The following ARL10 variants were observed in gnomAD, a reference collection of about 807,000 sequenced individuals.
The protein encoded by ARL10 is ADP-ribosylation factor-like protein 10.
Under a neutral mutation model 26.1 loss-of-function variants are expected in ARL10, and 23 were observed. The observed-to-expected ratio is 0.88, with a 90% CI of 0.63 to 1.25. ARL10 has a LOEUF of 1.25. ARL10 is among the 50% of genes most tolerant of loss of function. The probability of loss-of-function intolerance (pLI) is 0.00; values close to 1 mark genes in which losing one functional copy is unlikely to be tolerated. For missense variants in ARL10, 300 were observed against 323.6 expected (o/e 0.93, Z 0.56); for synonymous variants, 138 against 149.1 (o/e 0.93, Z 0.54).
Position 176,375,151 on chromosome 5 carries a change from CCCACCCATCCAT to C in ARL10, c.*3264_*3275del, listed in dbSNP as rs1768653435. ...GTCCACCCGTCCACCCATCCACCCA[CCCACCCATCCAT>C]CCACCCACCCACCCACCCATCCACC... On this transcript the variant is annotated 3_prime_UTR_variant, in exon 4 of 4. Coordinates refer to ENST00000310389, the MANE Select transcript of ARL10 (RefSeq NM_173664.6). 2 of 65,862 alleles carry C rather than the reference CCCACCCATCCAT, an allele frequency of 3.0e-5. No homozygotes were observed. The highest frequency in any genetic ancestry group is 1.1e-4 in the African/African-American group (2 of 18,924). The allele number at this position is 65,862 out of a possible 1,614,324, so 4.1% of individuals were successfully genotyped here.
Position 176,372,708 on chromosome 5 carries a change from A to G in ARL10, c.*813A>G, listed in dbSNP as rs1189300449. ...TCTCGTACTAACTGTGCCAGTGCCCATGTTTACAGAAGTCAGGGGAAGGAA... is the reference window on the plus strand; with the variant it reads ...TCTCGTACTAACTGTGCCAGTGCCCGTGTTTACAGAAGTCAGGGGAAGGAA... On this transcript the variant is annotated 3_prime_UTR_variant, in exon 4 of 4. Coordinates refer to ENST00000310389, the MANE Select transcript of ARL10 (RefSeq NM_173664.6). 1 of 393,812 alleles carries G rather than the reference A, an allele frequency of 2.5e-6. No homozygotes were observed. The highest frequency in any genetic ancestry group is 1.4e-4 in the South Asian group (1 of 6,972). The allele number at this position is 393,812 out of a possible 1,614,324, so 24.4% of individuals were successfully genotyped here.
At position 176,378,508 on chromosome 5, in the gene ARL10, C is replaced by T. The variant is rs1755460870; in HGVS notation, c.*6613C>T. ...AGAAGTGAGAAACCCTCTTTGTTTC[C>T]ATAACATGCCAAAATTGTGGACTGC... On this transcript the variant is annotated 3_prime_UTR_variant, in exon 4 of 4. Coordinates refer to ENST00000310389, the MANE Select transcript of ARL10 (RefSeq NM_173664.6). 1 of 152,158 alleles carries T rather than the reference C, an allele frequency of 6.6e-6. No individual in the cohort carries two copies. The highest frequency in any genetic ancestry group is 2.1e-4 in the South Asian group (1 of 4,832). The allele number at this position is 152,158 out of a possible 1,614,324, so 9.4% of individuals were successfully genotyped here.
Position 176,365,591 on chromosome 5 carries a change from G to T in ARL10, c.28G>T (p.Val10Leu). 2.4e-6 allele frequency: 3 copies of T among 1,249,102 alleles called. No individual in the cohort carries two copies. The highest frequency in any genetic ancestry group is 3.0e-6 in the Non-Finnish European group (3 of 998,326). The allele number at this position is 1,249,102 out of a possible 1,614,324, so 77.4% of individuals were successfully genotyped here. MAPRPLGPL[V>L]LALGGAAAVL... is the part of the protein sequence containing the mutation. The stretch of plus-strand genomic sequence containing the variant: ...GGCGCCGCGGCCGCTGGGCCCCTTG[G>T]TGCTGGCGCTGGGCGGCGCCGCGGC... The change falls in exon 1 of 4, where the codon GTG (valine) becomes TTG (leucine). Residue 10 changes from valine to leucine, a missense_variant. Physicochemically the swap from Val to Leu is conservative, Grantham distance 32. Coordinates refer to ENST00000310389, the MANE Select transcript of ARL10 (RefSeq NM_173664.6).
At chr5:176,389,589 CCTTT>C, downstream of ARL10, 9 of 1,345,826 alleles carry the variant, frequency 6.7e-6, no homozygotes, top group Non-Finnish European at 9.1e-6. Context: ...TCCCTCCTCT[CCTTT>C]GAGAGGCCCA....
At chr5:176,398,141 T>A (rs1409815962) in intron 1 of ARL10, 4 of 1,162,478 alleles carry the variant, frequency 3.4e-6, no homozygotes. Context: ...TCTGGATAAC[T>A]CAGCCTCAAA....
At chr5:176,382,662 G>A (rs964448048), downstream of ARL10, among the ~76,000 whole-genome samples, 1 of 152,012 alleles carries the variant, frequency 6.6e-6, no homozygotes, top group African/African-American at 2.4e-5. Context: ...GGGCTGAGGA[G>A]GGAGGATCAC....
chr5:176,367,844 C>A, intron 2 of ARL10: 1 of 500,558 alleles, frequency 2.0e-6, no homozygotes, highest in East Asian at 5.6e-5. Context: ...TATTTCTTTC[C>A]TTTTTGAAAT....
At chr5:176,388,793 A>C (rs374741504), downstream of ARL10, 1 of 1,605,180 alleles carries the variant, frequency 6.2e-7, no homozygotes, top group East Asian at 2.2e-5. Context: ...CGGAGTCCCG[A>C]TTTTCTCCTG....
In ARL10 at chr5:176,365,577, C is replaced by A. The variant is rs1196051840; in HGVS notation, c.14C>A (p.Pro5Gln). 8.1e-7 allele frequency: 1 copy of A among 1,236,740 alleles called. No homozygotes were observed. Among genetic ancestry groups the A allele is most frequent in the South Asian group, 3.8e-5 (1 of 26,382 alleles). 76.6% of individuals were successfully genotyped at this position (1,236,740 alleles called of 1,614,324 possible). A position where few individuals can be genotyped will look rare whatever the true frequency, so the allele number is the denominator to read the frequency against. The change falls in exon 1 of 4, where the codon CCG becomes CAG. Residue 5 changes from proline to glutamine, a missense_variant. Physicochemically the swap from Pro to Gln is moderately conservative, Grantham distance 76. Transcript: ENST00000310389. MAPR[P>Q]LGPLVLALGG... ...TCGCCCGGCCCGATGGCGCCGCGGC[C>A]GCTGGGCCCCTTGGTGCTGGCGCTG... is the stretch of plus-strand genomic sequence containing the variant.
At chr5:176,389,800 G>C, downstream of ARL10, 1 of 255,756 alleles carries the variant, frequency 3.9e-6, no homozygotes, top group East Asian at 8.2e-5. Context: ...TTTGATTTTG[G>C]AGGAAACGGA....
intron 1 of ARL10, among the ~76,000 whole-genome samples, chr5:176,401,031 C>T (rs925676685): frequency 1.2e-4 from 18 of 152,194 alleles, no homozygotes; most frequent in Non-Finnish European, 1.8e-4. Flanking sequence ...GGCAGCTGGG[C>T]GCCACCCTTA....
At chr5:176,383,815 G>A, downstream of ARL10, 4 of 643,364 alleles carry the variant, frequency 6.2e-6, no homozygotes, top group South Asian at 8.0e-5. Context: ...CAGAGGCCGT[G>A]CCTAGAAGAG....
downstream of ARL10, chr5:176,384,637 T>C: frequency 2.0e-6 from 1 of 491,950 alleles, no homozygotes; most frequent in Non-Finnish European, 3.6e-6. Context: ...AACAATAAAT[T>C]AACCATCCTG....
At chr5:176,410,759 C>T in the ARL10 span, among the ~76,000 whole-genome samples, 7 of 117,822 alleles carry the variant, frequency 5.9e-5, no homozygotes, top group Admixed American at 6.1e-4. Context: ...GGGGCCTACG[C>T]GTCTCTGCCT....
intron 1 of ARL10, among the ~76,000 whole-genome samples, chr5:176,387,612 G>A (rs1419592644): frequency 6.6e-6 from 1 of 151,308 alleles, no homozygotes; most frequent in Non-Finnish European, 1.5e-5. Context: ...TAGGCAGGCA[G>A]AGAAAGATGA....
At chr5:176,388,247 G>T (rs1222361954) in intron 1 of ARL10, 1 of 1,611,794 alleles carries the variant, frequency 6.2e-7, no homozygotes, top group Non-Finnish European at 8.5e-7. Flanking sequence ...TTCTCTTACG[G>T]AGGGGCACCG....
downstream of ARL10, chr5:176,386,762 A>G (rs573705134): frequency 4.7e-6 from 6 of 1,281,002 alleles, no homozygotes; most frequent in Middle Eastern, 1.9e-4. Context: ...CATCTGCAAA[A>G]TGAGGACATC....
At chr5:176,387,654 C>A (rs1423066493) in intron 1 of ARL10, among the ~76,000 whole-genome samples, 6 of 152,160 alleles carry the variant, frequency 3.9e-5, no homozygotes, top group Admixed American at 6.5e-5. Flanking sequence ...AACCTGGATT[C>A]TTTTAATAGT....
At chr5:176,401,764 C>T (rs961546951) in exon 2 of ARL10, 5 of 456,132 alleles carry the variant, frequency 1.1e-5, no homozygotes, top group African/African-American at 1.0e-4. Context: ...AACAGCGACA[C>T]TGAACAATTT....
Sources: allele counts gnomAD v4.1 joint callset (sites outside exome capture counted in the v4.1 genomes callset), GRCh38; gene constraint gnomAD v4.1.1; transcripts MANE v1.5; gene names NCBI Gene and HGNC (gene_info 2026-07-23, HGNC 2026-07-21).